The following MID1 variants were observed in gnomAD, a reference collection of about 807,000 sequenced individuals.
The protein encoded by MID1 is midline 1, also known as E3 ubiquitin-protein ligase Midline-1.
MID1 carries 7 observed loss-of-function variants against 40.4 expected under a neutral mutation model. That is an observed-to-expected ratio of 0.17 (90% CI 0.10 to 0.33). The LOEUF is 0.33. Among genes scored for constraint, MID1 ranks in the 10% least tolerant of loss-of-function variants. The probability of loss-of-function intolerance (pLI) is 1.00; values close to 1 mark genes in which losing one functional copy is unlikely to be tolerated. For synonymous variants in MID1, 229 were observed against 221.2 expected (o/e 1.04, Z -0.31); for missense variants, 367 against 558.5 (o/e 0.66, Z 3.46).
chrX:10,825,298 T>G (rs1315365856), intron 1 of MID1, among the ~76,000 whole-genome samples: 1 of 111,694 alleles, frequency 9.0e-6, no homozygotes, highest in Non-Finnish European at 1.9e-5. Flanking sequence ...CTCCTCCCCC[T>G]CACCTGCCCA....
rs1160857486 is a variant in MID1 at position 10,613,768 on chromosome X, GACAGAC to G, written c.-57+6516_-57+6521del. On this transcript the variant is annotated intron_variant, in intron 1 of 9. Transcript: ENST00000317552. ...AGAGAGAGAGAGAGAGAGAGAGAGA[GACAGAC>G]AGACAGACAGACAGACAGAGAGAGA... 2.3e-3 allele frequency among the ~76,000 whole-genome samples: 179 copies of G among 76,380 alleles called. 2 individuals are homozygous for G. The highest frequency in any genetic ancestry group is 0.011 in the African/African-American group (166 of 14,906). 66.3% of individuals were successfully genotyped at this position (76,380 alleles called of 115,157 possible). A position where few individuals can be genotyped will look rare whatever the true frequency, so the allele number is the denominator to read the frequency against.
At chrX:10,495,844 G>A (rs1220416168) in intron 3 of MID1, among the ~76,000 whole-genome samples, 153 bp from the exon 4 acceptor site, 4 of 112,176 alleles carry the variant, frequency 3.6e-5, no homozygotes, top group African/African-American at 1.3e-4. Context: ...GCAAATATAG[G>A]ACTTACATGG....
At chrX:10,526,164 TA>T (rs1397870924) in intron 2 of MID1, among the ~76,000 whole-genome samples, 1 of 111,714 alleles carries the variant, frequency 9.0e-6, no homozygotes, top group African/African-American at 3.3e-5. Context: ...ATGACAATTT[TA>T]AAGGGGAAGA....
At position 10,449,089 on chromosome X, in the gene MID1, G is replaced by A. The variant is rs183904773; in HGVS notation, c.*279C>T. 78 of 290,098 alleles carry A rather than the reference G, an allele frequency of 2.7e-4. No homozygotes were observed. Among genetic ancestry groups the A allele is most frequent in the Non-Finnish European group, 4.0e-4 (66 of 166,324 alleles). 23.9% of individuals were successfully genotyped at this position (290,098 alleles called of 1,213,427 possible). Reference sequence around the variant, plus strand: ...TGGGCCTCTTAATGTGCAAAACCAAGTAATTCCTAAAAGTTGTAATCCTGA... The same window carrying A: ...TGGGCCTCTTAATGTGCAAAACCAAATAATTCCTAAAAGTTGTAATCCTGA... On this transcript the variant is annotated 3_prime_UTR_variant, in exon 10 of 10. Coordinates refer to ENST00000317552, the MANE Select transcript of MID1 (RefSeq NM_000381.4).
chrX:10,799,824 A>AGGTACTTTTCCTATAT (rs1569173331), intron 1 of MID1, among the ~76,000 whole-genome samples: 1 of 112,065 alleles, frequency 8.9e-6, no homozygotes, highest in African/African-American at 3.2e-5. Context: ...CCCAAAGAAG[A>AGGTACTTTTCCTATAT]AATTTCCCAA....
At chrX:10,825,958 G>A (rs994844380) in intron 1 of MID1, among the ~76,000 whole-genome samples, 1 of 111,538 alleles carries the variant, frequency 9.0e-6, no homozygotes, top group Admixed American at 9.5e-5. Flanking sequence ...AAAAATTCTT[G>A]AGGTGAGTGT....
intron 6 of MID1, among the ~76,000 whole-genome samples, chrX:10,470,718 A>T (rs1204365357): frequency 8.9e-6 from 1 of 112,000 alleles, no homozygotes; most frequent in African/African-American, 3.2e-5. Context: ...CTGCTGTTTT[A>T]TTTCTTTAAC....
At chrX:10,602,115 T>A (rs905324259) in intron 1 of MID1, among the ~76,000 whole-genome samples, 3 of 106,476 alleles carry the variant, frequency 2.8e-5, no homozygotes, top group Non-Finnish European at 5.8e-5. Context: ...GCCAGGATGG[T>A]CTCGATCTCC....
intron 1 of MID1, among the ~76,000 whole-genome samples, chrX:10,705,801 T>C (rs955277361): frequency 1.8e-5 from 2 of 112,259 alleles, no homozygotes; most frequent in Non-Finnish European, 3.8e-5. Flanking sequence ...CCTTACCCAT[T>C]GGCTAAGTAT....
At chrX:10,677,452 AAAG>A (rs1192604740) in intron 1 of MID1, 21 of 112,547 alleles carry the variant, frequency 1.9e-4, no homozygotes, top group Non-Finnish European at 3.2e-4. Flanking sequence ...CAGTTTTTAA[AAAG>A]AAGACTTACC....
At chrX:10,658,953 C>A (rs914158120) in intron 1 of MID1, among the ~76,000 whole-genome samples, 1 of 111,964 alleles carries the variant, frequency 8.9e-6, no homozygotes, top group Non-Finnish European at 1.9e-5. Context: ...TATATGACAT[C>A]AATTTCTTTA....
intron 1 of MID1, among the ~76,000 whole-genome samples, chrX:10,644,585 C>T (rs1936242266): frequency 1.8e-5 from 2 of 111,186 alleles, no homozygotes; most frequent in South Asian, 3.9e-4. Context: ...AGTTGATGTG[C>T]TGATGGCAAC....
chrX:10,828,090 T>G (rs2044227522), intron 1 of MID1, among the ~76,000 whole-genome samples: 1 of 111,709 alleles, frequency 9.0e-6, no homozygotes, highest in Non-Finnish European at 1.9e-5. Flanking sequence ...TTGGAAGAAT[T>G]TTTTCTTTCT....
intron 1 of MID1, among the ~76,000 whole-genome samples, chrX:10,787,135 A>G (rs2043891483): frequency 9.0e-6 from 1 of 111,544 alleles, no homozygotes. Context: ...TAAAAAAGGG[A>G]CACTATATTT....
chrX:10,517,510 G>A (rs1185446840), intron 3 of MID1, among the ~76,000 whole-genome samples: 1 of 112,288 alleles, frequency 8.9e-6, no homozygotes, highest in Admixed American at 9.4e-5. Context: ...AGTTGGAAAT[G>A]CCAGTTGTCA....
chrX:10,817,631 T>A lies in MID1; in HGVS notation c.-187+15923A>T, dbSNP rs770377731. Among the ~76,000 whole-genome samples, 191 of 103,659 alleles carry A rather than the reference T, an allele frequency of 1.8e-3. 3 individuals carry two copies. The highest frequency in any genetic ancestry group is 6.3e-3 in the African/African-American group (180 of 28,482). 90.0% of individuals were successfully genotyped at this position (103,659 alleles called of 115,157 possible). A position where few individuals can be genotyped will look rare whatever the true frequency, so the allele number is the denominator to read the frequency against. On this transcript the variant is annotated intron_variant, in intron 1 of 10. Coordinates refer to the MID1 transcript ENST00000380785. ...TTTTTTCTTTCTTTCTTCTTTTTTT[T>A]TTTTTTTTGACAGAGTCTTGCTTTG...
chrX:10,603,786 G>A (rs1043383873), intron 1 of MID1, among the ~76,000 whole-genome samples: 6 of 111,683 alleles, frequency 5.4e-5, no homozygotes, highest in African/African-American at 1.6e-4. Context: ...TCATTGGAAT[G>A]AGCCTCCTGA....
chrX:10,513,300 G>C (rs1486890229), intron 3 of MID1, among the ~76,000 whole-genome samples: 1 of 111,798 alleles, frequency 8.9e-6, no homozygotes, highest in Non-Finnish European at 1.9e-5. Flanking sequence ...GTAAAAGGTT[G>C]GTTCAGTAAC....
intron 1 of MID1, among the ~76,000 whole-genome samples, chrX:10,791,592 A>G (rs1239586098): frequency 2.7e-5 from 3 of 111,807 alleles, no homozygotes; most frequent in Non-Finnish European, 5.6e-5. Flanking sequence ...AATAACAAAA[A>G]TTGACTGGTG....
Sources: allele counts gnomAD v4.1 joint callset (sites outside exome capture counted in the v4.1 genomes callset), GRCh38; gene constraint gnomAD v4.1.1; transcripts MANE v1.5; gene names NCBI Gene and HGNC (gene_info 2026-07-23, HGNC 2026-07-21).